PRKG1: variants seen among roughly 807,000 people sequenced by gnomAD.
The protein encoded by PRKG1 is cGMP-dependent protein kinase 1.
A neutral mutation model predicts 88.1 loss-of-function variants in PRKG1; 35 were observed. The observed-to-expected ratio is 0.40, with a 90% CI of 0.30 to 0.53. The LOEUF (loss-of-function observed/expected upper bound fraction) is 0.53, where lower values mean the gene tolerates loss of function less well. Ranked by LOEUF, PRKG1 falls within the 20% of genes least tolerant of loss-of-function variation. The pLI is 0.59. For synonymous variants in PRKG1, 303 were observed against 292.5 expected (o/e 1.04, Z -0.37); for missense variants, 540 against 839.8 (o/e 0.64, Z 4.41).
chr10:52,051,516 G>A lies in PRKG1; in HGVS notation c.763-2968G>A, dbSNP rs116657652. 1.5e-3 allele frequency among the ~76,000 whole-genome samples: 232 copies of A among 152,280 alleles called. 1 individual carries two copies. The highest frequency in any genetic ancestry group is 6.8e-3 in the Middle Eastern group (2 of 294). ...GCATTCTGCAAGCTGGATTATTCTG[G>A]CATTGTTGAGTGATCTTGAATTAGG... On this transcript the variant is annotated intron_variant, in intron 5 of 17. Transcript: ENST00000373980.
chr10:50,994,924 T>TA (rs1842822215), intron 1 of PRKG1, among the ~76,000 whole-genome samples: 1 of 152,168 alleles, frequency 6.6e-6, no homozygotes, highest in Non-Finnish European at 1.5e-5. Context: ...TTAGGTGTTA[T>TA]AAGTAATCTA....
chr10:52,225,850 CT>C (rs1278200431), intron 9 of PRKG1, among the ~76,000 whole-genome samples: 2 of 151,928 alleles, frequency 1.3e-5, no homozygotes, highest in Non-Finnish European at 2.9e-5. Flanking sequence ...GTCTATGTGC[CT>C]TTTTTTGTGC....
chr10:52,108,984 T>C (rs1369996671), intron 7 of PRKG1, among the ~76,000 whole-genome samples: 1 of 151,938 alleles, frequency 6.6e-6, no homozygotes, highest in Non-Finnish European at 1.5e-5. Context: ...AGAGCCACCA[T>C]ACCCAGCTAA....
chr10:52,271,412 T>G lies in PRKG1; in HGVS notation c.1236T>G (p.Ile412Met). ...TGAAGATTCTCAAGAAACGTCACAT[T>G]GTGGACACAAGACAGCAGGAGCACA... ...FAMKILKKRH[I>M]VDTRQQEHIR... The change falls in exon 11 of 18, where the codon ATT (isoleucine) becomes ATG (methionine). Residue 412 changes from isoleucine to methionine, a missense_variant. Physicochemically the swap from Ile to Met is conservative, Grantham distance 10 (BLOSUM62 1). This residue lies in a region of PRKG1 where 400 missense variants were observed against 562.7 expected (regional missense o/e 0.71). Coordinates refer to ENST00000373980, the MANE Select transcript of PRKG1 (RefSeq NM_006258.4). 6.2e-7 allele frequency: 1 copy of G among 1,613,014 alleles called. No homozygotes were observed. The highest frequency in any genetic ancestry group is 8.5e-7 in the Non-Finnish European group (1 of 1,179,368).
At position 52,272,198 on chromosome 10, in the gene PRKG1, G is replaced by A. The variant is rs568393869; in HGVS notation, c.1314-194G>A. On this transcript the variant is annotated intron_variant, in intron 11 of 17. Coordinates refer to ENST00000373980, the MANE Select transcript of PRKG1 (RefSeq NM_006258.4). ...AATCCATTTCAAGGGAGAGATTAGC[G>A]CCTTAGTTTCTTCTATTAAAATCCT... Among the ~76,000 whole-genome samples the A allele has an allele frequency of 3.3e-5, 5 of 152,062 alleles. No homozygotes were observed. The East Asian group carries it at 5.8e-4, about 18-fold the overall frequency.
At chr10:52,188,244 ATATATGTG>A (rs1488078583) in intron 9 of PRKG1, among the ~76,000 whole-genome samples, 75 of 3,024 alleles carry the variant, frequency 0.025, no homozygotes, top group Middle Eastern at 0.12. Flanking sequence ...ATATATACAT[ATATATGTG>A]TATATATATA....
At chr10:51,143,053 G>A (rs1036412129) in intron 1 of PRKG1, among the ~76,000 whole-genome samples, 1 of 152,054 alleles carries the variant, frequency 6.6e-6, no homozygotes, top group Non-Finnish European at 1.5e-5. Flanking sequence ...TTGCCTTGCT[G>A]TACAGTAGGT....
intron 3 of PRKG1, among the ~76,000 whole-genome samples, chr10:51,561,885 T>C (rs753205653): frequency 6.6e-6 from 1 of 151,994 alleles, no homozygotes; most frequent in African/African-American, 2.4e-5. Flanking sequence ...TTTCAAATAG[T>C]GCTACTGGCA....
At chr10:52,200,860 G>A (rs1027053510) in intron 9 of PRKG1, among the ~76,000 whole-genome samples, 3 of 151,964 alleles carry the variant, frequency 2.0e-5, no homozygotes, top group Non-Finnish European at 4.4e-5. Flanking sequence ...TGTCTCTTTT[G>A]AAAAGTATCT....
At chr10:51,841,795 G>A (rs957760061) in intron 4 of PRKG1, among the ~76,000 whole-genome samples, 3 of 152,036 alleles carry the variant, frequency 2.0e-5, no homozygotes, top group African/African-American at 7.2e-5. Flanking sequence ...CGATTCTCCT[G>A]CCTCGGCCTC....
At chr10:51,415,743 C>A (rs1300250249) in intron 2 of PRKG1, among the ~76,000 whole-genome samples, 2 of 152,116 alleles carry the variant, frequency 1.3e-5, no homozygotes, top group African/African-American at 4.8e-5. Flanking sequence ...GCTACAAAAC[C>A]AAAATTATCC....
At chr10:51,624,875 A>G (rs1839295172) in intron 3 of PRKG1, among the ~76,000 whole-genome samples, 1 of 152,250 alleles carries the variant, frequency 6.6e-6, no homozygotes, top group Non-Finnish European at 1.5e-5. Flanking sequence ...TTTCATAGAA[A>G]TAGAGAGAAT....
intron 7 of PRKG1, among the ~76,000 whole-genome samples, chr10:52,082,200 T>C (rs1378804286): frequency 6.6e-6 from 1 of 152,046 alleles, no homozygotes; most frequent in Admixed American, 6.6e-5. Context: ...CAGCACAGGG[T>C]AACCACCCCC....
intron 1 of PRKG1, among the ~76,000 whole-genome samples, chr10:51,129,419 T>A (rs1003542256): frequency 1.3e-5 from 2 of 151,244 alleles, no homozygotes; most frequent in African/African-American, 4.9e-5. Context: ...CACTCCAGCC[T>A]GTGCGATAGA....
At chr10:51,795,759 C>T (rs1305082691) in intron 3 of PRKG1, among the ~76,000 whole-genome samples, 2 of 152,146 alleles carry the variant, frequency 1.3e-5, no homozygotes, top group South Asian at 2.1e-4. Context: ...AGCTGATATT[C>T]TTTAATGGTA....
intron 9 of PRKG1, among the ~76,000 whole-genome samples, chr10:52,196,159 C>A (rs1376882166): frequency 6.6e-6 from 1 of 152,032 alleles, no homozygotes; most frequent in Non-Finnish European, 1.5e-5. Context: ...ACTACAGGCA[C>A]CCGCCACCAC....
At chr10:51,343,852 G>A (rs181234867) in intron 2 of PRKG1, among the ~76,000 whole-genome samples, 4 of 152,206 alleles carry the variant, frequency 2.6e-5, no homozygotes, top group African/African-American at 7.2e-5. Flanking sequence ...CCAGTAATGT[G>A]CCCCTCATAT....
chr10:51,994,435 G>A (rs754453903), intron 5 of PRKG1, among the ~76,000 whole-genome samples: 3 of 152,088 alleles, frequency 2.0e-5, no homozygotes, highest in Non-Finnish European at 4.4e-5. Context: ...AACTTCCAAA[G>A]TAGATAATAT....
chr10:52,278,857 T>C (rs1426205439), intron 12 of PRKG1, among the ~76,000 whole-genome samples: 7 of 149,686 alleles, frequency 4.7e-5, no homozygotes, highest in Non-Finnish European at 1.0e-4. Flanking sequence ...GAACCGAGAT[T>C]GCACCACTGC....
Sources: gnomAD v4.1 joint callset for allele counts (sites outside exome capture counted in the v4.1 genomes callset) on GRCh38, gnomAD v4.1.1 for gene constraint, gnomAD v4.1.1 regional missense constraint, MANE v1.5 for transcripts, NCBI Gene and HGNC (gene_info 2026-07-23, HGNC 2026-07-21) for gene names.